Variants in SPACA6 observed in about 807,000 individuals in gnomAD.
SPACA6 encodes the protein sperm acrosome associated 6.
For missense variants in SPACA6, 8 were observed against 2.8 expected (o/e 2.88, Z -1.34); for synonymous variants, 6 against 1.5 (o/e 4.05, Z -2.21).
rs1352685923 is a variant in SPACA6, at chr19:51,693,410, T to C, written c.-117T>C. On this transcript the variant is annotated 5_prime_UTR_variant, in exon 1 of 9. The change abolishes an upstream ATG in the 5' untranslated region. Coordinates refer to ENST00000637797, the MANE Select transcript of SPACA6 (RefSeq NM_001316972.2). ...CTCCTCATACCCTTCCTCCAGAGCA[T>C]GACATTTGACCACCAACTGAAACCT... 6 of 656,448 alleles carry C rather than the reference T, an allele frequency of 9.1e-6. No individual in the cohort carries two copies. The East Asian group carries it at 1.1e-4, about 12-fold the overall frequency. 40.7% of individuals were successfully genotyped at this position (656,448 alleles called of 1,614,324 possible).
downstream of SPACA6, among the ~76,000 whole-genome samples, chr19:51,707,530 GT>G (rs1304739614): frequency 1.3e-5 from 2 of 151,990 alleles, no homozygotes; most frequent in African/African-American, 4.8e-5. Context: ...CCAGAAAACT[GT>G]TTCTCTACTC....
chr19:51,707,381 C>T (rs920928499), downstream of SPACA6, among the ~76,000 whole-genome samples: 1 of 152,010 alleles, frequency 6.6e-6, no homozygotes, highest in African/African-American at 2.4e-5. Context: ...TGCCACCATG[C>T]CCAGCTAATT....
At chr19:51,690,657 C>T (rs2083362247), upstream of SPACA6, among the ~76,000 whole-genome samples, 1 of 152,132 alleles carries the variant, frequency 6.6e-6, no homozygotes, top group Non-Finnish European at 1.5e-5. Flanking sequence ...TTCCCCAAAG[C>T]GGGGCTATGG....
rs956983343 is a variant in SPACA6 at position 51,703,094 on chromosome 19, C to T, written c.459C>T (p.Cys153=). ...GGGTCTGCGACCTCCCGCTGGACTG[C>T]CCAGGTGAGGGGGCGGGGCCTCGGG... ...YSRVCDLPLD[C]PVQDVTVTRG... The change falls in exon 5 of 9, where the codon TGC becomes TGT. Residue 153 remains cysteine, a synonymous_variant. Transcript: ENST00000637797. This position sits in a 1 kb window ranked among gnomAD's most constrained non-coding sequence, Gnocchi z 4.2. 3 of 399,528 alleles carry T rather than the reference C, an allele frequency of 7.5e-6. No individual in the cohort carries two copies. Among genetic ancestry groups the T allele is most frequent in the African/African-American group, 4.1e-5 (2 of 48,664 alleles). 24.7% of individuals were successfully genotyped at this position (399,528 alleles called of 1,614,324 possible). A position where few individuals can be genotyped will look rare whatever the true frequency, so the allele number is the denominator to read the frequency against.
chr19:51,688,946 G>GAGGGAGAA (rs1326033266), upstream of SPACA6, among the ~76,000 whole-genome samples: 1 of 150,528 alleles, frequency 6.6e-6, no homozygotes, highest in African/African-American at 2.4e-5. Flanking sequence ...GGGAGGGAGA[G>GAGGGAGAA]AGGGAGAGAG....
At chr19:51,701,181 C>A (rs376989617) in intron 2 of SPACA6, among the ~76,000 whole-genome samples, 9 of 152,242 alleles carry the variant, frequency 5.9e-5, no homozygotes, top group African/African-American at 2.2e-4. Context: ...GAGATCGCAC[C>A]ACTGCACTCC....
chr19:51,705,656 C>T (rs2083512344), downstream of SPACA6, among the ~76,000 whole-genome samples: 1 of 151,982 alleles, frequency 6.6e-6, no homozygotes, highest in South Asian at 2.1e-4. Context: ...GGCCTCTCTC[C>T]ACTGTAGCCC....
At chr19:51,706,765 T>C (rs1449985345), downstream of SPACA6, among the ~76,000 whole-genome samples, 1 of 152,192 alleles carries the variant, frequency 6.6e-6, no homozygotes, top group Non-Finnish European at 1.5e-5. Flanking sequence ...GTTCAAGCGA[T>C]TCTGCTGCCT....
chr19:51,683,679 C>T, the SPACA6 span, among the ~76,000 whole-genome samples: 8 of 152,172 alleles, frequency 5.3e-5, no homozygotes, highest in African/African-American at 1.4e-4. Flanking sequence ...GCATAACATT[C>T]GATAATTCTT....
chr19:51,692,151 T>C (rs921410795), upstream of SPACA6, among the ~76,000 whole-genome samples: 3 of 152,096 alleles, frequency 2.0e-5, no homozygotes, highest in African/African-American at 7.2e-5. The surrounding 1 kb of genome is among the most constrained non-coding windows in gnomAD (Gnocchi z 5.6). Context: ...TCCTTAGCCC[T>C]GGGCCTGGAG....
At chr19:51,689,893 T>G (rs896765580), upstream of SPACA6, among the ~76,000 whole-genome samples, 2 of 139,958 alleles carry the variant, frequency 1.4e-5, no homozygotes, top group Admixed American at 7.2e-5. Flanking sequence ...TCGGGGGAGG[T>G]GGAGGAAGAC....
rs1404063753 is a variant in SPACA6, at chr19:51,704,249, C to T, written c.731-21C>T. The T allele has an allele frequency of 1.0e-5, 4 of 400,602 alleles. No homozygotes were observed. In the Admixed American group the frequency reaches 1.8e-4, roughly 18 times the overall value. The allele number at this position is 400,602 out of a possible 1,614,324, so 24.8% of individuals were successfully genotyped here. ...GGAGAGGGGTGGGGCTCGTGCCTGG[C>T]TGACGTGCGCGCCCCCGCAGTGACG... On this transcript the variant is annotated intron_variant, in intron 7 of 8. Transcript: ENST00000637797.
intron 2 of SPACA6, among the ~76,000 whole-genome samples, chr19:51,711,415 T>G (rs1366766366): frequency 6.6e-6 from 1 of 152,112 alleles, no homozygotes; most frequent in Non-Finnish European, 1.5e-5. Flanking sequence ...TGTAGAGAAA[T>G]TAGAACCCTC....
intron 2 of SPACA6, among the ~76,000 whole-genome samples, chr19:51,699,720 C>G (rs1568618063): frequency 6.6e-6 from 1 of 152,082 alleles, no homozygotes; most frequent in Non-Finnish European, 1.5e-5. Flanking sequence ...CCCTAATGAC[C>G]TCATTTTAAC....
At chr19:51,685,416 A>G (rs2083324058), upstream of SPACA6, 1 of 152,240 alleles carries the variant, frequency 6.6e-6, no homozygotes, top group Non-Finnish European at 1.5e-5. Context: ...ATATAAAATC[A>G]GATATTTGGG....
rs1489784129 is a variant in SPACA6, at chr19:51,704,297, CAG to C, written c.761_762del (p.Glu254ValfsTer?). On this transcript the variant is annotated frameshift_variant, in exon 8 of 9. Transcript: ENST00000637797. LOFTEE classifies it high-confidence loss of function. ...ACGGGCCCGCCCCCGCGGGCGGAGA[CAG>C]AGTTGCAGGCCTCGTTCCGGGAAGT... 6 of 400,636 alleles carry C rather than the reference CAG, an allele frequency of 1.5e-5. No individual in the cohort carries two copies. The highest frequency in any genetic ancestry group is 4.1e-5 in the African/African-American group (2 of 48,678). 24.8% of individuals were successfully genotyped at this position (400,636 alleles called of 1,614,324 possible). A position where few individuals can be genotyped will look rare whatever the true frequency, so the allele number is the denominator to read the frequency against.
upstream of SPACA6, among the ~76,000 whole-genome samples, chr19:51,690,307 C>A (rs1487150881): frequency 2.0e-5 from 3 of 152,072 alleles, no homozygotes; most frequent in African/African-American, 7.3e-5. Context: ...CTAACTCCTT[C>A]AAAACCCCAG....
chr19:51,692,762 C>T (rs368460080), upstream of SPACA6: 20 of 534,456 alleles, frequency 3.7e-5, no homozygotes, highest in African/African-American at 1.7e-4. This position sits in a 1 kb window ranked among gnomAD's most constrained non-coding sequence, Gnocchi z 5.6. Flanking sequence ...GTCTGTCTGT[C>T]GGGTCTGTCC....
upstream of SPACA6, among the ~76,000 whole-genome samples, chr19:51,692,191 G>A (rs2122187952): frequency 6.6e-6 from 1 of 152,292 alleles, no homozygotes; most frequent in Non-Finnish European, 1.5e-5. The surrounding 1 kb of genome is among the most constrained non-coding windows in gnomAD (Gnocchi z 5.6). Flanking sequence ...GGGTAGGTAG[G>A]AAGCAGGTGT....
Sources: gnomAD v4.1 joint callset for allele counts (sites outside exome capture counted in the v4.1 genomes callset) on GRCh38, gnomAD v4.1.1 for gene constraint, Gnocchi (gnomAD v3.1) non-coding constraint, MANE v1.5 for transcripts, NCBI Gene and HGNC (gene_info 2026-07-23, HGNC 2026-07-21) for gene names.